Variants in ENPP3 observed in about 807,000 individuals in gnomAD.
ENPP3 encodes ectonucleotide pyrophosphatase/phosphodiesterase family member 3.
A neutral mutation model predicts 117.8 loss-of-function variants in ENPP3; 104 were observed. The observed-to-expected ratio is 0.88, with a 90% CI of 0.75 to 1.04. The LOEUF (loss-of-function observed/expected upper bound fraction) is 1.04, where lower values mean the gene tolerates loss of function less well. Ranked by LOEUF, ENPP3 falls within the 50% of genes least tolerant of loss-of-function variation. ENPP3 has a pLI of 0.00. For missense variants in ENPP3, 1,026 were observed against 1,051.9 expected, an observed-to-expected ratio of 0.98 and a Z score of 0.34; for synonymous variants, 380 against 349.9, an observed-to-expected ratio of 1.09 and a Z score of -0.96.
intron 2 of ENPP3, among the ~76,000 whole-genome samples, chr6:131,645,617 C>A (rs1778138518): frequency 6.6e-6 from 1 of 152,182 alleles, no homozygotes; most frequent in South Asian, 2.1e-4. Context: ...TAACTTGAAT[C>A]TTTGTCTATG....
chr6:131,642,690 G>GC (rs1778077984), intron 2 of ENPP3: 1 of 152,052 alleles, frequency 6.6e-6, no homozygotes, highest in African/African-American at 2.4e-5. Flanking sequence ...TCCCACCTCG[G>GC]CCCCCCAGGT....
Position 131,685,456 on chromosome 6 carries a change from C to G in ENPP3, c.1213C>G (p.Arg405Gly). 3 of 1,613,838 alleles carry G rather than the reference C, an allele frequency of 1.9e-6. No individual in the cohort carries two copies. Among genetic ancestry groups the G allele is most frequent in the South Asian group, 2.2e-5 (2 of 91,060 alleles). Residue 405 changes from arginine to glycine, a missense_variant, in exon 13 of 25, where the codon CGC becomes GGC. Transcript: ENST00000357639. ...FFYMYEGPAPRIRAHNIPHDF... is the reference protein window; with the variant it reads ...FFYMYEGPAPGIRAHNIPHDF... ...CTACATGTACGAAGGGCCTGCCCCCCGCATCCGAGCTCATAATATACCTCA... is the reference window on the plus strand; with the variant it reads ...CTACATGTACGAAGGGCCTGCCCCCGGCATCCGAGCTCATAATATACCTCA...
chr6:131,668,457 C>T (rs1585640521), intron 6 of ENPP3, among the ~76,000 whole-genome samples: 4 of 151,934 alleles, frequency 2.6e-5, no homozygotes, highest in South Asian at 4.1e-4. Context: ...TCAGGAGATC[C>T]GTCCGCCTCA....
chr6:131,637,407 C>T lies in ENPP3; in HGVS notation c.23C>T (p.Ala8Val), dbSNP rs779416857. The change falls in exon 1 of 25, where the codon GCA (alanine) becomes GTA (valine). Residue 8 changes from alanine to valine, a missense_variant. By Grantham distance (64) the Ala-to-Val change is moderately conservative (BLOSUM62 0). Coordinates refer to ENST00000357639, the MANE Select transcript of ENPP3 (RefSeq NM_005021.5). MESTLTL[A>V]TEQPVKKNTL... ...ACAATGGAATCTACGTTGACTTTAG[C>T]AACGGAACAACCTGTTAAGAAGAAC... 11 of 1,596,654 alleles carry T rather than the reference C, an allele frequency of 6.9e-6. No individual in the cohort carries two copies. Among genetic ancestry groups the T allele is most frequent in the Non-Finnish European group, 9.4e-6 (11 of 1,171,746 alleles).
At chr6:131,640,640 C>T (rs1778021955) in intron 1 of ENPP3, among the ~76,000 whole-genome samples, 1 of 152,076 alleles carries the variant, frequency 6.6e-6, no homozygotes, top group African/African-American at 2.4e-5. Flanking sequence ...GAAACTATAA[C>T]AAAGGTTATT....
At position 131,679,365 on chromosome 6, in the gene ENPP3, G is replaced by T. The variant is rs900394300; in HGVS notation, c.1011+1425G>T. Among the ~76,000 whole-genome samples, 6 of 151,994 alleles carry T rather than the reference G, an allele frequency of 3.9e-5. No homozygotes were observed. The East Asian group carries it at 1.2e-3, about 29-fold the overall frequency. ...CTGCCTCAGCCTCCCAAAGTGTTGG[G>T]ATTACAGGCATGAACCACTGCACCC... On this transcript the variant is annotated intron_variant, in intron 11 of 24. Coordinates refer to ENST00000357639, the MANE Select transcript of ENPP3 (RefSeq NM_005021.5).
chr6:131,670,918 A>G (rs1292045207), intron 6 of ENPP3, among the ~76,000 whole-genome samples: 2 of 152,148 alleles, frequency 1.3e-5, no homozygotes, highest in East Asian at 3.8e-4. Context: ...TCATTTGTTT[A>G]TTTATTGTCT....
chr6:131,688,258 G>T (rs559280078), intron 14 of ENPP3, among the ~76,000 whole-genome samples: 1 of 152,030 alleles, frequency 6.6e-6, no homozygotes, highest in Non-Finnish European at 1.5e-5. Flanking sequence ...GCTGTTTCCC[G>T]TCCCCCTCCT....
chr6:131,688,712 A>T (rs1253036975), intron 14 of ENPP3, among the ~76,000 whole-genome samples: 1 of 152,082 alleles, frequency 6.6e-6, no homozygotes, highest in Non-Finnish European at 1.5e-5. Context: ...GAAGTTGCAG[A>T]AGAAAAGTTT....
chr6:131,666,013 T>G (rs376558923), intron 6 of ENPP3, among the ~76,000 whole-genome samples: 1 of 152,164 alleles, frequency 6.6e-6, no homozygotes, highest in African/African-American at 2.4e-5. Context: ...TGTAAATTTT[T>G]CAGTTTTCCC....
At chr6:131,733,165 G>C (rs974456375) in intron 20 of ENPP3, among the ~76,000 whole-genome samples, 5 of 152,042 alleles carry the variant, frequency 3.3e-5, no homozygotes, top group Non-Finnish European at 7.4e-5. Flanking sequence ...AAAAGTTCTT[G>C]AACAGCTGAA....
At chr6:131,717,777 A>T (rs1261030358) in intron 15 of ENPP3, among the ~76,000 whole-genome samples, 3 of 152,166 alleles carry the variant, frequency 2.0e-5, no homozygotes, top group Non-Finnish European at 4.4e-5. Flanking sequence ...AAGTACAGTT[A>T]TGTGTTGTAT....
chr6:131,672,090 T>C (rs1648187531), intron 7 of ENPP3, among the ~76,000 whole-genome samples: 1 of 152,210 alleles, frequency 6.6e-6, no homozygotes, highest in Admixed American at 6.5e-5. Flanking sequence ...CACTAAAATT[T>C]ATTTGTAACC....
chr6:131,712,447 C>T (rs3870572), intron 15 of ENPP3, among the ~76,000 whole-genome samples: 1 of 144,206 alleles, frequency 6.9e-6, no homozygotes, highest in Non-Finnish European at 1.5e-5. Context: ...GGATACTGCA[C>T]CTCTCCTAAG....
chr6:131,713,264 A>C (rs1779825373), intron 15 of ENPP3, among the ~76,000 whole-genome samples: 2 of 148,014 alleles, frequency 1.4e-5, no homozygotes, highest in Non-Finnish European at 1.5e-5. Flanking sequence ...TCTTTTATAA[A>C]TTACCCAGTC....
chr6:131,656,650 C>G (rs986507998), intron 5 of ENPP3, among the ~76,000 whole-genome samples: 22 of 151,956 alleles, frequency 1.4e-4, no homozygotes, highest in African/African-American at 4.3e-4. Flanking sequence ...GCCTGTAGTC[C>G]CAGCTACTCG....
intron 12 of ENPP3, among the ~76,000 whole-genome samples, chr6:131,684,758 C>G (rs879537640): frequency 1.3e-5 from 2 of 151,874 alleles, no homozygotes; most frequent in Non-Finnish European, 2.9e-5. Context: ...CTTTTTATAG[C>G]ACGTACTCCT....
At position 131,702,920 on chromosome 6, in the gene ENPP3, AT is replaced by A. The variant is rs1779571206; in HGVS notation, c.1412+9297del. On this transcript the variant is annotated intron_variant, in intron 15 of 24. Transcript: ENST00000357639. The stretch of plus-strand genomic sequence containing the variant: ...TAAGTATTATGCTCATGTTGAAAAA[AT>A]AAAATAATTTAGTTATTTATTGATT... Among the ~76,000 whole-genome samples, 8 of 146,984 alleles carry A rather than the reference AT, an allele frequency of 5.4e-5. No homozygotes were observed. The South Asian group carries it at 1.6e-3, about 29-fold the overall frequency.
At position 131,677,891 on chromosome 6, in the gene ENPP3, T is replaced by C; in HGVS notation, c.962T>C (p.Phe321Ser). The change falls in exon 11 of 25, where the codon TTT becomes TCT. Residue 321 changes from phenylalanine to serine, a missense_variant. Phe to Ser is a radical substitution (Grantham distance 155). Coordinates refer to ENST00000357639, the MANE Select transcript of ENPP3 (RefSeq NM_005021.5). ...AGACCCAGGTTTTATACCATGTATT[T>C]TGAAGAACCTGATTCCTCTGGACAT... ...AERPRFYTMY[F>S]EEPDSSGHAG... The C allele has an allele frequency of 1.2e-6, 2 of 1,610,896 alleles. No individual in the cohort carries two copies. Among genetic ancestry groups the C allele is most frequent in the Non-Finnish European group, 1.7e-6 (2 of 1,177,208 alleles).
Sources: gnomAD v4.1 joint callset for allele counts (sites outside exome capture counted in the v4.1 genomes callset) on GRCh38, gnomAD v4.1.1 for gene constraint, MANE v1.5 for transcripts, NCBI Gene and HGNC (gene_info 2026-07-23, HGNC 2026-07-21) for gene names.